The following LRCH2 variants were observed in gnomAD, a reference collection of about 807,000 sequenced individuals.
The protein encoded by LRCH2 is leucine rich repeats and calponin homology domain containing 2.
In LRCH2, 38 loss-of-function variants were observed where a neutral mutation model predicts 68.9. The ratio of observed to expected loss-of-function variants is 0.55; its 90% CI spans 0.43 to 0.72. The LOEUF (loss-of-function observed/expected upper bound fraction) is 0.72. LRCH2 is among the 30% of genes least tolerant of loss of function. The pLI is 0.00. For missense variants in LRCH2, 528 were observed against 572.9 expected (o/e 0.92, Z 0.80); for synonymous variants, 191 against 208.1 (o/e 0.92, Z 0.71).
intron 2 of LRCH2, among the ~76,000 whole-genome samples, chrX:115,186,975 C>T (rs782483669): frequency 1.7e-4 from 19 of 110,387 alleles, no homozygotes; most frequent in African/African-American, 5.9e-4. Flanking sequence ...CCCACCACCA[C>T]GCCTGGCTAA....
chrX:115,147,606 G>C (rs1458921605), intron 14 of LRCH2, among the ~76,000 whole-genome samples: 1 of 111,296 alleles, frequency 9.0e-6, no homozygotes, highest in Non-Finnish European at 1.9e-5. Flanking sequence ...TATTATAGAA[G>C]ATGTTTATTT....
At chrX:115,121,122 G>T (rs1342307851) in intron 20 of LRCH2, among the ~76,000 whole-genome samples, 1 of 108,400 alleles carries the variant, frequency 9.2e-6, no homozygotes, top group African/African-American at 3.4e-5. Flanking sequence ...GTATACATAT[G>T]TAACTAACCT....
chrX:115,190,225 C>T (rs782285858), intron 1 of LRCH2: 78 of 1,164,614 alleles, frequency 6.7e-5, no homozygotes, highest in Non-Finnish European at 8.4e-5. Flanking sequence ...CTACAGCCGC[C>T]GCTATTATGG....
intron 15 of LRCH2, among the ~76,000 whole-genome samples, 164 bp from the exon 16 acceptor site, chrX:115,127,057 C>A (rs1315516032): frequency 1.8e-5 from 2 of 111,782 alleles, no homozygotes; most frequent in Non-Finnish European, 3.8e-5. Flanking sequence ...TGTAAACCAG[C>A]AGCATAGGGA....
At chrX:115,177,463 CA>C (rs2072659301) in intron 5 of LRCH2, among the ~76,000 whole-genome samples, 1 of 111,077 alleles carries the variant, frequency 9.0e-6, no homozygotes, top group Admixed American at 9.6e-5. Flanking sequence ...AGGTTGCAAG[CA>C]TTCTGGGAGC....
Position 115,150,032 on chromosome X carries a change from AG to A in LRCH2, c.1567del (p.Leu523SerfsTer6). ...TTAATTTCTTCTTACCTGCCAGGTG[AG>A]GGGTGATAATGGTGAATTAACTTCA... ...ADEVNSPLSP[L>X]TWQPLENQKD... On this transcript the variant is annotated frameshift_variant, in exon 13 of 21. Coordinates refer to ENST00000317135, the MANE Select transcript of LRCH2 (RefSeq NM_020871.4). LOFTEE classifies it high-confidence loss of function. 8.5e-7 allele frequency: 1 copy of A among 1,173,104 alleles called. No individual in the cohort carries two copies.
At chrX:115,180,032 C>T (rs1327902489) in intron 3 of LRCH2, among the ~76,000 whole-genome samples, 2 of 110,432 alleles carry the variant, frequency 1.8e-5, no homozygotes, top group Non-Finnish European at 3.8e-5. Flanking sequence ...CAACTCATAC[C>T]AGCCAAAACC....
intron 1 of LRCH2, among the ~76,000 whole-genome samples, chrX:115,209,219 T>C (rs183619544): frequency 1.1e-4 from 12 of 112,696 alleles, no homozygotes; most frequent in Non-Finnish European, 1.9e-4. Flanking sequence ...TTTAACAATT[T>C]TGTAAGCTAG....
chrX:115,188,518 C>CA (rs1174654058), intron 1 of LRCH2, 148 bp from the exon 2 acceptor site: 2 of 395,542 alleles, frequency 5.1e-6, no homozygotes, highest in Non-Finnish European at 8.1e-6. Context: ...ACCTTGAAGG[C>CA]AAAAAACATC....
chrX:115,125,652 C>T (rs139922477), intron 16 of LRCH2, among the ~76,000 whole-genome samples: 11,200 of 59,896 alleles, frequency 0.19, 2,191 homozygotes, highest in African/African-American at 0.39. Context: ...TATATATATA[C>T]ACGTATATAT....
chrX:115,233,729 C>A lies in LRCH2; in HGVS notation c.313G>T (p.Gly105Cys), dbSNP rs1556579191. The A allele has an allele frequency of 8.5e-7, 1 of 1,180,424 alleles. No individual in the cohort carries two copies. The highest frequency in any genetic ancestry group is 1.8e-5 in the African/African-American group (1 of 57,073). Residue 105 changes from glycine to cysteine, a missense_variant, in exon 1 of 21, where the codon GGC becomes TGC. Gly to Cys is a radical substitution (Grantham distance 159, BLOSUM62 -3). Transcript: ENST00000317135. ...LSGRKLRDFPGSGYDLTDTTQ... is the reference protein window; with the variant it reads ...LSGRKLRDFPCSGYDLTDTTQ... ...GTGTCCGTCAGGTCGTAGCCGCTGCCCGGGAAGTCTCGGAGTTTCCGACCA... is the reference window on the plus strand; with the variant it reads ...GTGTCCGTCAGGTCGTAGCCGCTGCACGGGAAGTCTCGGAGTTTCCGACCA...
chrX:115,197,481 G>A (rs149834359), intron 1 of LRCH2, among the ~76,000 whole-genome samples: 277 of 111,544 alleles, frequency 2.5e-3, no homozygotes, highest in African/African-American at 8.3e-3. Context: ...CCCGAGTGTG[G>A]TGGCTAACAC....
chrX:115,141,499 C>T (rs1310281362), intron 14 of LRCH2, among the ~76,000 whole-genome samples: 1 of 111,005 alleles, frequency 9.0e-6, no homozygotes, highest in Non-Finnish European at 1.9e-5. Flanking sequence ...TTAGCCTCTC[C>T]AAAGGAGGCA....
intron 1 of LRCH2, among the ~76,000 whole-genome samples, chrX:115,218,782 C>G (rs2073058833): frequency 8.9e-6 from 1 of 112,075 alleles, no homozygotes; most frequent in Non-Finnish European, 1.9e-5. Context: ...TGTATCGGGG[C>G]TGTGAGAGGC....
At chrX:115,131,257 C>T (rs782703363) in intron 14 of LRCH2, among the ~76,000 whole-genome samples, 3 of 56,140 alleles carry the variant, frequency 5.3e-5, no homozygotes, top group African/African-American at 2.5e-4. Context: ...CCCTCCCCCC[C>T]CCTCCACACC....
intron 14 of LRCH2, among the ~76,000 whole-genome samples, chrX:115,135,262 G>T (rs781872650): frequency 3.3e-4 from 35 of 107,520 alleles, no homozygotes; most frequent in Non-Finnish European, 6.0e-4. Context: ...CAAGTAGAGG[G>T]GACTACAGGC....
chrX:115,160,278 TG>T (rs1180709937), intron 11 of LRCH2, among the ~76,000 whole-genome samples: 1 of 110,665 alleles, frequency 9.0e-6, no homozygotes, highest in Non-Finnish European at 1.9e-5. Context: ...ATTGCACCAC[TG>T]CACTCCAGCC....
At position 115,165,832 on chromosome X, in the gene LRCH2, A is replaced by G; in HGVS notation, c.1198+9T>C. ...ATGAAACAAAAATAGCAGGTACCAT[A>G]TGAATTACCTTTCTGAGAATCAGTC... is the stretch of plus-strand genomic sequence containing the variant. On this transcript the variant is annotated intron_variant, in intron 8 of 20. Transcript: ENST00000317135. 3.6e-6 allele frequency: 4 copies of G among 1,122,222 alleles called. No individual in the cohort carries two copies. Among genetic ancestry groups the G allele is most frequent in the East Asian group, 3.3e-5 (1 of 30,518 alleles). The allele number at this position is 1,122,222 out of a possible 1,213,427, so 92.5% of individuals were successfully genotyped here. A position where few individuals can be genotyped will look rare whatever the true frequency, so the allele number is the denominator to read the frequency against.
chrX:115,177,890 G>A (rs191164204), intron 5 of LRCH2, among the ~76,000 whole-genome samples: 9 of 109,311 alleles, frequency 8.2e-5, no homozygotes, highest in East Asian at 5.7e-4. Context: ...GAGAACATGT[G>A]GTGTTTGGTT....
Sources: gnomAD v4.1 joint callset for allele counts (sites outside exome capture counted in the v4.1 genomes callset) on GRCh38, gnomAD v4.1.1 for gene constraint, MANE v1.5 for transcripts, NCBI Gene and HGNC (gene_info 2026-07-23, HGNC 2026-07-21) for gene names.